CD6: variants seen among roughly 807,000 people sequenced by gnomAD.
CD6 encodes the protein T-cell differentiation antigen CD6.
CD6 carries 53 observed loss-of-function variants against 75.3 expected under a neutral mutation model. The ratio of observed to expected loss-of-function variants is 0.70; its 90% CI spans 0.56 to 0.88. The LOEUF is 0.88. Among genes scored for constraint, CD6 ranks in the 40% least tolerant of loss-of-function variants. CD6 has a pLI of 0.00. For missense variants in CD6, 770 were observed against 897.1 expected, an observed-to-expected ratio of 0.86 and a Z score of 1.81; for synonymous variants, 359 against 381.5, an observed-to-expected ratio of 0.94 and a Z score of 0.69.
rs561026146 is a variant in CD6, at chr11:61,009,095, G to A, written c.781+250G>A. Among the ~76,000 whole-genome samples, 11 of 152,242 alleles carry A rather than the reference G, an allele frequency of 7.2e-5. 1 individual carries two copies. In the South Asian group the frequency reaches 1.0e-3, roughly 14 times the overall value. On this transcript the variant is annotated intron_variant, in intron 4 of 12. Transcript: ENST00000313421. ...TGTAGGCTAAGGCTGACCACCTCCC[G>A]GAAGAGGTGACATTAAAAGTGAGAC...
intron 1 of CD6, among the ~76,000 whole-genome samples, chr11:60,980,775 A>C (rs1304302499): frequency 1.3e-5 from 2 of 152,036 alleles, no homozygotes; most frequent in Non-Finnish European, 2.9e-5. Flanking sequence ...GGGAGGCGGA[A>C]GTTACAGTGA....
intron 12 of CD6, 22 bp downstream of exon 12, chr11:61,018,415 A>T (rs750640318): frequency 6.5e-7 from 1 of 1,545,820 alleles, no homozygotes; most frequent in South Asian, 1.2e-5. Flanking sequence ...TGGGGAAGGG[A>T]TGTGGGAGGG....
intron 1 of CD6, among the ~76,000 whole-genome samples, chr11:61,001,112 T>C (rs1858566403): frequency 2.0e-5 from 3 of 152,076 alleles, no homozygotes; most frequent in African/African-American, 7.2e-5. Context: ...CACTGAATCA[T>C]GTGGCAATAA....
intron 4 of CD6, among the ~76,000 whole-genome samples, 200 bp from the exon 5 acceptor site, chr11:61,009,372 T>G (rs576018919): frequency 7.9e-5 from 12 of 152,312 alleles, no homozygotes; most frequent in African/African-American, 2.6e-4. Context: ...ATGCTGCTGC[T>G]CCACAGACCA....
intron 1 of CD6, among the ~76,000 whole-genome samples, chr11:60,976,332 T>G (rs972980590): frequency 7.2e-5 from 11 of 152,218 alleles, no homozygotes; most frequent in Non-Finnish European, 1.2e-4. Flanking sequence ...ATTCTAATGT[T>G]TACAGATATT....
rs780826439 is a variant in CD6 at position 60,971,911 on chromosome 11, T to G, written c.46T>G (p.Ser16Ala). ...GITGLLTAAL[S>A]GHPSPAPPDQ... Reference sequence around the variant, plus strand: ...CACTGGATTGCTGACGGCAGCCCTCTCAGGTAGGCCCCCTTCCCTCATCTC... The same window carrying G: ...CACTGGATTGCTGACGGCAGCCCTCGCAGGTAGGCCCCCTTCCCTCATCTC... The change falls in exon 1 of 13, where the codon TCA (serine) becomes GCA (alanine). Residue 16 changes from serine to alanine, a missense_variant. Ser to Ala is a moderately conservative substitution (Grantham distance 99). Transcript: ENST00000313421. 2 of 1,613,948 alleles carry G rather than the reference T, an allele frequency of 1.2e-6. No homozygotes were observed. The highest frequency in any genetic ancestry group is 8.5e-7 in the Non-Finnish European group (1 of 1,179,968).
At chr11:60,982,912 A>G in intron 1 of CD6, 1 of 371,798 alleles carries the variant, frequency 2.7e-6, no homozygotes, top group Non-Finnish European at 5.3e-6. Flanking sequence ...AGGCTTAACT[A>G]ACTCCCCACC....
At chr11:61,018,180 T>C in intron 11 of CD6, 109 bp from the exon 12 acceptor site, 2 of 1,296,782 alleles carry the variant, frequency 1.5e-6, no homozygotes, top group Non-Finnish European at 2.1e-6. Context: ...ACTTTGTCAT[T>C]TGCCAAGCTA....
chr11:61,011,205 T>TGTGTGTGTGTGTGTG (rs1859134903), intron 6 of CD6, 70 bp downstream of exon 6: 2 of 293,522 alleles, frequency 6.8e-6, no homozygotes, highest in Admixed American at 8.4e-5. Flanking sequence ...GTGTGTGTGT[T>TGTGTGTGTGTGTGTG]CCTGTGCACA....
At chr11:60,999,617 AT>A (rs201610061) in intron 1 of CD6, among the ~76,000 whole-genome samples, 8 of 151,192 alleles carry the variant, frequency 5.3e-5, no homozygotes, top group East Asian at 1.9e-4. Context: ...CTCCCTGTAA[AT>A]TTTTTTTTGG....
At chr11:61,016,419 CA>C (rs529441730) in intron 9 of CD6, among the ~76,000 whole-genome samples, 1 of 152,346 alleles carries the variant, frequency 6.6e-6, no homozygotes, top group African/African-American at 2.4e-5. Flanking sequence ...GGGAGCTTGT[CA>C]AAAATTCCTG....
Position 61,007,573 on chromosome 11 carries a change from G to T in CD6, c.132G>T (p.Pro44=). The T allele has an allele frequency of 2.0e-6, 3 of 1,500,454 alleles. No individual in the cohort carries two copies. The highest frequency in any genetic ancestry group is 1.8e-6 in the Non-Finnish European group (2 of 1,124,298). The allele number at this position is 1,500,454 out of a possible 1,614,324, so 92.9% of individuals were successfully genotyped here. A position where few individuals can be genotyped will look rare whatever the true frequency, so the allele number is the denominator to read the frequency against. Residue 44 remains proline, a synonymous_variant, in exon 3 of 13, where the codon CCG becomes CCT. Coordinates refer to ENST00000313421, the MANE Select transcript of CD6 (RefSeq NM_006725.5). The surrounding 1 kb of genome is among the most constrained non-coding windows in gnomAD (Gnocchi z 4.2). ...TGACACTTCCAGGGGAGCGGCTTCC[G>T]GTCCGTCTGACAAACGGGAGCAGCA... is the stretch of plus-strand genomic sequence containing the variant. ...SELWEPGERL[P]VRLTNGSSSC...
intron 1 of CD6, among the ~76,000 whole-genome samples, chr11:60,992,132 G>GCCCA (rs1858089522): frequency 1.3e-5 from 2 of 151,964 alleles, no homozygotes; most frequent in East Asian, 3.9e-4. Context: ...CACCCACCTT[G>GCCCA]GCCTCCCAAA....
At chr11:61,018,500 A>AAGGGGAAAAGGAGAAAGGC in intron 12 of CD6, 107 bp downstream of exon 12, 1 of 876,458 alleles carries the variant, frequency 1.1e-6, no homozygotes, top group Non-Finnish European at 1.8e-6. Flanking sequence ...AGGAGAAAGG[A>AAGGGGAAAAGGAGAAAGGC]AGGGTAAAAG....
At chr11:60,999,706 AT>A (rs1041529050) in intron 1 of CD6, among the ~76,000 whole-genome samples, 4 of 151,180 alleles carry the variant, frequency 2.6e-5, no homozygotes, top group African/African-American at 4.9e-5. Flanking sequence ...TCCGGTTTGA[AT>A]TTTTTTTTGG....
chr11:60,986,474 C>T (rs1857820108), intron 1 of CD6, among the ~76,000 whole-genome samples: 1 of 152,218 alleles, frequency 6.6e-6, no homozygotes, highest in Admixed American at 6.5e-5. Flanking sequence ...GGCCATGTCA[C>T]TCTTCAGCTT....
intron 1 of CD6, 81 bp downstream of exon 1, chr11:60,971,995 C>T: frequency 7.0e-7 from 1 of 1,425,152 alleles, no homozygotes; most frequent in Non-Finnish European, 9.8e-7. Context: ...CTGGTTGTTT[C>T]CTTGTGGTCA....
chr11:61,015,899 A>G (rs778030584), intron 9 of CD6, 64 bp downstream of exon 9: 109 of 1,596,956 alleles, frequency 6.8e-5, no homozygotes, highest in Non-Finnish European at 9.0e-5. Flanking sequence ...CCCCGAGGGG[A>G]CCGTCAGGTC....
chr11:61,011,201 GTGTTCC>G, intron 6 of CD6, 66 bp downstream of exon 6: 5 of 1,333,036 alleles, frequency 3.8e-6, no homozygotes, highest in Non-Finnish European at 5.4e-6. Flanking sequence ...GTGTGTGTGT[GTGTTCC>G]TGTGCACACC....
Sources: allele counts gnomAD v4.1 joint callset (sites outside exome capture counted in the v4.1 genomes callset), GRCh38; gene constraint gnomAD v4.1.1; non-coding constraint Gnocchi (gnomAD v3.1); transcripts MANE v1.5; gene names NCBI Gene and HGNC (gene_info 2026-07-23, HGNC 2026-07-21).